Variants in NTN4 observed in about 807,000 individuals in gnomAD.
NTN4 encodes the protein netrin-4.
In NTN4, 32 loss-of-function variants were observed where a neutral mutation model predicts 73.6. The observed-to-expected ratio is 0.44, with a 90% CI of 0.33 to 0.58. NTN4 has a LOEUF of 0.58. Ranked by LOEUF, NTN4 falls within the 20% of genes least tolerant of loss-of-function variation. NTN4 has a pLI of 0.04. For synonymous variants in NTN4, 258 were observed against 287.5 expected (o/e 0.90, Z 1.04); for missense variants, 654 against 798.3 (o/e 0.82, Z 2.18).
At chr12:95,681,373 T>C (rs1285524456) in intron 7 of NTN4, among the ~76,000 whole-genome samples, 1 of 152,118 alleles carries the variant, frequency 6.6e-6, no homozygotes, top group Non-Finnish European at 1.5e-5. Context: ...CAAAAGCATC[T>C]GTAACATTTT....
At chr12:95,751,126 C>T (rs2121216381) in intron 2 of NTN4, among the ~76,000 whole-genome samples, 1 of 152,298 alleles carries the variant, frequency 6.6e-6, no homozygotes, top group South Asian at 2.1e-4. Context: ...CATTTTATTA[C>T]CCAATCTGCT....
At chr12:95,748,298 C>T (rs2078877415) in intron 2 of NTN4, among the ~76,000 whole-genome samples, 1 of 149,122 alleles carries the variant, frequency 6.7e-6, no homozygotes, top group Admixed American at 6.7e-5. Context: ...ATTATTTATT[C>T]ATTACATTAT....
intron 2 of NTN4, among the ~76,000 whole-genome samples, chr12:95,761,310 G>A (rs2078984847): frequency 6.9e-6 from 1 of 144,362 alleles, no homozygotes; most frequent in Non-Finnish European, 1.5e-5. Context: ...TCCCGAGGCA[G>A]GACAAAAGAG....
intron 3 of NTN4, among the ~76,000 whole-genome samples, chr12:95,731,459 G>A (rs1302572449): frequency 6.6e-6 from 1 of 152,086 alleles, no homozygotes; most frequent in African/African-American, 2.4e-5. Context: ...CCAGCTACTC[G>A]GGAGGCTGAG....
intron 7 of NTN4, among the ~76,000 whole-genome samples, chr12:95,674,597 G>C (rs1456482067): frequency 1.3e-5 from 2 of 152,084 alleles, no homozygotes; most frequent in Non-Finnish European, 2.9e-5. Context: ...TTTACATCTG[G>C]TATAAGAAGT....
At position 95,683,650 on chromosome 12, in the gene NTN4, G is replaced by A. The variant is rs1293362627; in HGVS notation, c.1242C>T (p.Asp414=). 1.2e-6 allele frequency: 2 copies of A among 1,613,988 alleles called. No homozygotes were observed. The highest frequency in any genetic ancestry group is 1.3e-5 in the African/African-American group (1 of 75,042). ...TGCAAGGGCAGTCACCATTGCTGGG[G>A]TCGCAGAAGGTCACTGAGTTGGCAG... is the stretch of plus-strand genomic sequence containing the variant. ...VLPANSVTFC[D]PSNGDCPCKP... is the part of the protein sequence containing the mutation. Residue 414 remains aspartate (D), a synonymous_variant, in exon 6 of 10, where the codon GAC becomes GAT. Coordinates refer to ENST00000343702, the MANE Select transcript of NTN4 (RefSeq NM_021229.4).
At chr12:95,708,679 G>A (rs1003025748) in intron 5 of NTN4, among the ~76,000 whole-genome samples, 1 of 152,060 alleles carries the variant, frequency 6.6e-6, no homozygotes, top group African/African-American at 2.4e-5. Context: ...AGAGTGCTGG[G>A]ATTACAGATG....
At chr12:95,774,330 T>C (rs1323941444) in intron 2 of NTN4, among the ~76,000 whole-genome samples, 1 of 152,188 alleles carries the variant, frequency 6.6e-6, no homozygotes, top group Non-Finnish European at 1.5e-5. Flanking sequence ...TAGGTTTCAG[T>C]TTCTTTGTCT....
chr12:95,769,818 G>A (rs942710021), intron 2 of NTN4, among the ~76,000 whole-genome samples: 1 of 145,048 alleles, frequency 6.9e-6, no homozygotes, highest in Non-Finnish European at 1.5e-5. Context: ...GTGCAAGGGT[G>A]TGATCTCCGC....
At position 95,772,338 on chromosome 12, in the gene NTN4, C is replaced by T. The variant is rs1031699930; in HGVS notation, c.585+14601G>A. ...TACAGGCATGAGCCACCACGTCCAC[C>T]CAAGATTAGTTGCAAAAGTGTTTTC... On this transcript the variant is annotated intron_variant, in intron 2 of 9. Coordinates refer to ENST00000343702, the MANE Select transcript of NTN4 (RefSeq NM_021229.4). 3.3e-5 allele frequency among the ~76,000 whole-genome samples: 5 copies of T among 152,318 alleles called. No homozygotes were observed. In the East Asian group the frequency reaches 9.6e-4, roughly 29 times the overall value.
chr12:95,773,574 A>C (rs1199068030), intron 2 of NTN4, among the ~76,000 whole-genome samples: 3 of 152,068 alleles, frequency 2.0e-5, no homozygotes, highest in Non-Finnish European at 4.4e-5. Flanking sequence ...GGAAGGTGCC[A>C]GGCGGACTTC....
intron 1 of NTN4, among the ~76,000 whole-genome samples, chr12:95,787,677 CGT>C (rs1384132325): frequency 1.3e-5 from 2 of 151,556 alleles, no homozygotes; most frequent in African/African-American, 4.8e-5. Flanking sequence ...TGTGTGTGTG[CGT>C]GTGTGTGTGT....
At chr12:95,757,588 A>G (rs914074390) in intron 2 of NTN4, among the ~76,000 whole-genome samples, 3 of 152,080 alleles carry the variant, frequency 2.0e-5, no homozygotes, top group Admixed American at 2.0e-4. Context: ...CACGTGTGAG[A>G]GGCAAAGAAA....
intron 3 of NTN4, among the ~76,000 whole-genome samples, chr12:95,723,294 C>T (rs968714642): frequency 2.1e-4 from 14 of 66,818 alleles, no homozygotes; most frequent in Admixed American, 9.5e-4. Flanking sequence ...CCTGTGCCCA[C>T]CACCAAGAGA....
chr12:95,720,839 CAATAGT>C (rs972625711), intron 3 of NTN4, among the ~76,000 whole-genome samples: 63 of 152,284 alleles, frequency 4.1e-4, no homozygotes, highest in African/African-American at 1.4e-3. Context: ...ATAACAACAA[CAATAGT>C]AATAGTAACT....
At chr12:95,696,523 G>A (rs896893594) in intron 5 of NTN4, among the ~76,000 whole-genome samples, 4 of 152,036 alleles carry the variant, frequency 2.6e-5, no homozygotes, top group South Asian at 2.1e-4. Context: ...TCGTTTTATC[G>A]CTGTATCCCC....
At chr12:95,688,771 A>G (rs1247529915) in intron 5 of NTN4, among the ~76,000 whole-genome samples, 1 of 134,542 alleles carries the variant, frequency 7.4e-6, no homozygotes. Flanking sequence ...GAAGGTAGAG[A>G]AGGAGGAGAA....
At chr12:95,778,098 G>A (rs2079107311) in intron 2 of NTN4, among the ~76,000 whole-genome samples, 1 of 152,146 alleles carries the variant, frequency 6.6e-6, no homozygotes, top group South Asian at 2.1e-4. Context: ...AAATAAAGAT[G>A]TTCTTTGAAA....
At chr12:95,750,116 C>G (rs189842852) in intron 2 of NTN4, among the ~76,000 whole-genome samples, 11 of 151,620 alleles carry the variant, frequency 7.3e-5, no homozygotes, top group African/African-American at 2.4e-4. Flanking sequence ...CTTATTTCCA[C>G]GCCCCTACCT....
Sources: allele counts gnomAD v4.1 joint callset (sites outside exome capture counted in the v4.1 genomes callset), GRCh38; gene constraint gnomAD v4.1.1; transcripts MANE v1.5; gene names NCBI Gene and HGNC (gene_info 2026-07-23, HGNC 2026-07-21).